The following TMEM178B variants were observed in gnomAD, a reference collection of about 807,000 sequenced individuals.
The protein encoded by TMEM178B is transmembrane protein 178B.
Under a neutral mutation model 31.0 loss-of-function variants are expected in TMEM178B, and 5 were observed. The ratio of observed to expected loss-of-function variants is 0.16; its 90% CI spans 0.08 to 0.34. The LOEUF (loss-of-function observed/expected upper bound fraction) is 0.34, where lower values mean the gene tolerates loss of function less well. Ranked by LOEUF, TMEM178B falls within the 10% of genes least tolerant of loss-of-function variation. The probability of loss-of-function intolerance (pLI) is 1.00; values close to 1 mark genes in which losing one functional copy is unlikely to be tolerated. For missense variants in TMEM178B, 275 were observed against 400.3 expected, an observed-to-expected ratio of 0.69 and a Z score of 2.67; for synonymous variants, 164 against 164.0, an observed-to-expected ratio of 1.00 and a Z score of 0.00.
intron 2 of TMEM178B, among the ~76,000 whole-genome samples, chr7:141,306,555 G>A (rs559736296): frequency 2.6e-5 from 4 of 151,728 alleles, no homozygotes; most frequent in Admixed American, 2.0e-4. Flanking sequence ...TTATTAATAT[G>A]AGCAGCTTCA....
At chr7:141,259,647 C>T (rs1797982625) in intron 2 of TMEM178B, among the ~76,000 whole-genome samples, 1 of 152,216 alleles carries the variant, frequency 6.6e-6, no homozygotes, top group Non-Finnish European at 1.5e-5. Flanking sequence ...GTCTCCCCGA[C>T]AATACGTAGC....
Position 141,128,973 on chromosome 7 carries a change from G to A in TMEM178B, c.382+54281G>A, listed in dbSNP as rs138540285. Among the ~76,000 whole-genome samples, 758 of 152,248 alleles carry A rather than the reference G, an allele frequency of 5.0e-3. 10 individuals are homozygous for A. The highest frequency in any genetic ancestry group is 0.018 in the African/African-American group (730 of 41,518). On this transcript the variant is annotated intron_variant, in intron 1 of 3. Transcript: ENST00000565468. ...TCAGAAGAAATGGATTACCATGCAT[G>A]ATGTTTCAGTTACTAAATTAAAAAT...
intron 2 of TMEM178B, among the ~76,000 whole-genome samples, chr7:141,346,235 A>AC (rs1799618593): frequency 2.0e-5 from 3 of 152,106 alleles, no homozygotes; most frequent in South Asian, 4.1e-4. Flanking sequence ...AAACAAACAA[A>AC]AAAAACCAAA....
At chr7:141,088,578 T>C (rs1462897008) in intron 1 of TMEM178B, among the ~76,000 whole-genome samples, 1 of 152,216 alleles carries the variant, frequency 6.6e-6, no homozygotes, top group Non-Finnish European at 1.5e-5. Context: ...CTAGCCAGTC[T>C]TTCCATCTGA....
At chr7:141,231,333 A>G (rs1158632552) in intron 2 of TMEM178B, among the ~76,000 whole-genome samples, 3 of 151,974 alleles carry the variant, frequency 2.0e-5, no homozygotes, top group Non-Finnish European at 4.4e-5. Context: ...AAACACGACA[A>G]GGCTGCCAAG....
At chr7:141,101,078 G>C (rs1298753277) in intron 1 of TMEM178B, among the ~76,000 whole-genome samples, 1 of 152,136 alleles carries the variant, frequency 6.6e-6, no homozygotes, top group Non-Finnish European at 1.5e-5. Flanking sequence ...ATTTCCACAG[G>C]CTCGATTTGA....
chr7:141,399,908 A>G (rs939988930), intron 2 of TMEM178B, among the ~76,000 whole-genome samples: 8 of 152,134 alleles, frequency 5.3e-5, no homozygotes, highest in African/African-American at 1.7e-4. Context: ...TATATTTGAA[A>G]ATAAGTGCAC....
In TMEM178B at chr7:141,318,577, C is replaced by T. The variant is rs759865633; in HGVS notation, c.496+105873C>T. 3.9e-5 allele frequency among the ~76,000 whole-genome samples: 6 copies of T among 152,146 alleles called. No individual in the cohort carries two copies. The highest frequency in any genetic ancestry group is 8.8e-5 in the Non-Finnish European group (6 of 68,016). On this transcript the variant is annotated intron_variant, in intron 2 of 3. Coordinates refer to ENST00000565468, the MANE Select transcript of TMEM178B (RefSeq NM_001195278.2). The surrounding 1 kb of genome is among the most constrained non-coding windows in gnomAD (Gnocchi z 4.1). ...AAGATGTATTGGAGACTAAAATATT[C>T]CTCATCTCTTCAAACCCGTGCTGTG...
chr7:141,205,160 C>T (rs7807305), intron 1 of TMEM178B, among the ~76,000 whole-genome samples: 100,586 of 152,034 alleles, frequency 0.66, 33,716 homozygotes, highest in Middle Eastern at 0.7. Flanking sequence ...CTGGAAACTG[C>T]TCTTTGAATA....
chr7:141,437,799 C>A, intron 3 of TMEM178B, 54 bp downstream of exon 3: 2 of 1,532,082 alleles, frequency 1.3e-6, no homozygotes, highest in Non-Finnish European at 1.7e-6. Context: ...CTGTTTACCA[C>A]AATTTGGGGA....
chr7:141,242,652 C>G (rs1797645344), intron 2 of TMEM178B, among the ~76,000 whole-genome samples: 1 of 151,120 alleles, frequency 6.6e-6, no homozygotes, highest in Admixed American at 6.6e-5. Flanking sequence ...AGTGATTCTC[C>G]TGCCTCAGCT....
intron 2 of TMEM178B, among the ~76,000 whole-genome samples, chr7:141,423,449 C>T (rs1331502582): frequency 3.9e-5 from 6 of 152,182 alleles, no homozygotes; most frequent in East Asian, 3.8e-4. Flanking sequence ...ACATCTGGTA[C>T]GTATTTTACA....
At chr7:141,149,599 C>T (rs1169994974) in intron 1 of TMEM178B, among the ~76,000 whole-genome samples, 1 of 152,124 alleles carries the variant, frequency 6.6e-6, no homozygotes, top group African/African-American at 2.4e-5. Flanking sequence ...TGAGGTCATA[C>T]TGGATTAGCA....
At chr7:141,406,639 G>A (rs1000448310) in intron 2 of TMEM178B, among the ~76,000 whole-genome samples, 4 of 152,246 alleles carry the variant, frequency 2.6e-5, no homozygotes, top group African/African-American at 7.2e-5. Flanking sequence ...GAGATCACTT[G>A]AAATGGCTGT....
the TMEM178B span, among the ~76,000 whole-genome samples, chr7:141,508,994 G>C: frequency 6.6e-6 from 1 of 152,306 alleles, no homozygotes; most frequent in South Asian, 2.1e-4. Flanking sequence ...TTTTGCATGT[G>C]GTTCAACACC....
chr7:141,240,647 A>G (rs1266999989), intron 2 of TMEM178B, among the ~76,000 whole-genome samples: 1 of 152,270 alleles, frequency 6.6e-6, no homozygotes, highest in Non-Finnish European at 1.5e-5. Flanking sequence ...CGAAGAGAAC[A>G]GTATTATAAA....
chr7:141,162,572 A>C (rs1191608778), intron 1 of TMEM178B, among the ~76,000 whole-genome samples: 1 of 152,240 alleles, frequency 6.6e-6, no homozygotes, highest in Non-Finnish European at 1.5e-5. Context: ...GGATGTTGAC[A>C]TCTAATTTAG....
At chr7:141,078,334 T>G (rs1219913631) in intron 1 of TMEM178B, among the ~76,000 whole-genome samples, 1 of 152,260 alleles carries the variant, frequency 6.6e-6, no homozygotes, top group Non-Finnish European at 1.5e-5. Flanking sequence ...ACTGATACTC[T>G]AAGAACTTTT....
At chr7:141,280,948 T>G (rs1317835229) in intron 2 of TMEM178B, among the ~76,000 whole-genome samples, 1 of 152,244 alleles carries the variant, frequency 6.6e-6, no homozygotes, top group Non-Finnish European at 1.5e-5. Flanking sequence ...AATGGTTTAA[T>G]GTACAAAGTG....
Sources: gnomAD v4.1 joint callset for allele counts (sites outside exome capture counted in the v4.1 genomes callset) on GRCh38, gnomAD v4.1.1 for gene constraint, Gnocchi (gnomAD v3.1) non-coding constraint, MANE v1.5 for transcripts, NCBI Gene and HGNC (gene_info 2026-07-23, HGNC 2026-07-21) for gene names.